PAPPA: variants seen among roughly 807,000 people sequenced by gnomAD.
The protein encoded by PAPPA is pappalysin-1.
Under a neutral mutation model 164.0 loss-of-function variants are expected in PAPPA, and 60 were observed. The ratio of observed to expected loss-of-function variants is 0.37; its 90% CI spans 0.30 to 0.45. PAPPA has a LOEUF of 0.45. Among genes scored for constraint, PAPPA ranks in the 20% least tolerant of loss-of-function variants. The probability of loss-of-function intolerance (pLI) is 1.00; values close to 1 mark genes in which losing one functional copy is unlikely to be tolerated. For synonymous variants in PAPPA, 875 were observed against 814.1 expected, an observed-to-expected ratio of 1.07 and a Z score of -1.27; for missense variants, 1,782 against 2,087.3, an observed-to-expected ratio of 0.85 and a Z score of 2.85.
intron 7 of PAPPA, among the ~76,000 whole-genome samples, chr9:116,260,786 T>C (rs1177983680): frequency 6.6e-6 from 1 of 152,236 alleles, no homozygotes; most frequent in East Asian, 1.9e-4. Context: ...GGCTTGTCCA[T>C]GGTCAATGAG....
intron 19 of PAPPA, among the ~76,000 whole-genome samples, 198 bp from the exon 20 acceptor site, chr9:116,377,378 C>T (rs1168034751): frequency 6.6e-6 from 1 of 152,146 alleles, no homozygotes; most frequent in Admixed American, 6.6e-5. Context: ...ATGACACATG[C>T]GGTGAACACA....
At chr9:116,281,631 C>A (rs576240896) in intron 9 of PAPPA, among the ~76,000 whole-genome samples, 1 of 152,286 alleles carries the variant, frequency 6.6e-6, no homozygotes, top group South Asian at 2.1e-4. Context: ...GAACCTGCTG[C>A]AGTAGCTCAT....
intron 7 of PAPPA, among the ~76,000 whole-genome samples, chr9:116,258,375 G>A (rs1217069591): frequency 2.0e-5 from 3 of 152,184 alleles, no homozygotes; most frequent in Non-Finnish European, 2.9e-5. Flanking sequence ...AGACCAATGA[G>A]GCTGGGTGGC....
intron 21 of PAPPA, among the ~76,000 whole-genome samples, chr9:116,386,479 CA>C (rs1308485748): frequency 6.6e-6 from 1 of 152,188 alleles, no homozygotes; most frequent in Non-Finnish European, 1.5e-5. Context: ...ATCCTCTTGT[CA>C]ACACAGAGAG....
intron 15 of PAPPA, among the ~76,000 whole-genome samples, chr9:116,348,226 G>T (rs1303543979): frequency 6.6e-6 from 1 of 151,640 alleles, no homozygotes; most frequent in Non-Finnish European, 1.5e-5. Context: ...ATGCAACTTG[G>T]TTGTCAGCAT....
At chr9:116,203,822 A>T (rs950521687) in intron 2 of PAPPA, among the ~76,000 whole-genome samples, 1 of 152,198 alleles carries the variant, frequency 6.6e-6, no homozygotes, top group Non-Finnish European at 1.5e-5. Context: ...TAAGATTTAA[A>T]GGGCCAATCA....
In PAPPA at chr9:116,396,963, T is replaced by A. The variant is rs1350000367; in HGVS notation, c.*347T>A. ...CCCATCTGTGTTTAGTACACATGCA[T>A]GCATACACACCCATACAAACATCTG... On this transcript the variant is annotated 3_prime_UTR_variant, in exon 22 of 22. Transcript: ENST00000328252. 2 of 272,920 alleles carry A rather than the reference T, an allele frequency of 7.3e-6. No individual in the cohort carries two copies. The highest frequency in any genetic ancestry group is 1.4e-5 in the Non-Finnish European group (2 of 143,592). 16.9% of individuals were successfully genotyped at this position (272,920 alleles called of 1,614,324 possible). A position where few individuals can be genotyped will look rare whatever the true frequency, so the allele number is the denominator to read the frequency against.
intron 7 of PAPPA, among the ~76,000 whole-genome samples, chr9:116,253,353 A>G (rs1844882193): frequency 6.6e-6 from 1 of 152,254 alleles, no homozygotes; most frequent in Non-Finnish European, 1.5e-5. Context: ...CTCCATTTTG[A>G]CTGAGCTTCA....
At position 116,279,612 on chromosome 9, in the gene PAPPA, G is replaced by A. The variant is rs532293776; in HGVS notation, c.2953+8196G>A. ...GGTGCTTGCTTGAATGTGAGGAATC[G>A]AGACCAAACTTTGATGTGTGCCTTT... On this transcript the variant is annotated intron_variant, in intron 9 of 21. Coordinates refer to ENST00000328252, the MANE Select transcript of PAPPA (RefSeq NM_002581.5). Among the ~76,000 whole-genome samples, 18 of 152,282 alleles carry A rather than the reference G, an allele frequency of 1.2e-4. No homozygotes were observed. In the East Asian group the frequency reaches 1.4e-3, roughly 11 times the overall value.
intron 7 of PAPPA, 134 bp downstream of exon 7, chr9:116,235,771 T>A: frequency 1.2e-6 from 1 of 857,496 alleles, no homozygotes; most frequent in Admixed American, 1.9e-5. Flanking sequence ...AACCCATCAT[T>A]GGGTGTAGAT....
intron 14 of PAPPA, among the ~76,000 whole-genome samples, chr9:116,345,440 A>G (rs1846194945): frequency 6.7e-6 from 1 of 148,956 alleles, no homozygotes; most frequent in Non-Finnish European, 1.5e-5. Flanking sequence ...TGATGAGAAA[A>G]AAAAAAAAAA....
chr9:116,209,167 G>C (rs537417811), intron 3 of PAPPA, among the ~76,000 whole-genome samples: 14 of 152,288 alleles, frequency 9.2e-5, no homozygotes, highest in Admixed American at 3.3e-4. Context: ...GGGCAGAAGA[G>C]AGCGTGCAGC....
rs151289826 is a variant in PAPPA at position 116,244,962 on chromosome 9, T to G, written c.2732+9325T>G. 1.3e-4 allele frequency among the ~76,000 whole-genome samples: 20 copies of G among 152,256 alleles called. No homozygotes were observed. The East Asian group carries it at 3.9e-3, about 29-fold the overall frequency. The stretch of plus-strand genomic sequence containing the variant: ...AAGAAAACGAGGTATATGTACACAA[T>G]GGAATGTTACTCAGCCATTAAAAGG... On this transcript the variant is annotated intron_variant, in intron 7 of 21. Transcript: ENST00000328252.
intron 1 of PAPPA, among the ~76,000 whole-genome samples, chr9:116,167,528 A>T (rs1843731226): frequency 6.6e-6 from 1 of 152,198 alleles, no homozygotes; most frequent in African/African-American, 2.4e-5. Context: ...TCTTGTTTTG[A>T]GAATCAGTGC....
chr9:116,162,902 T>G (rs1290093915), intron 1 of PAPPA, among the ~76,000 whole-genome samples: 1 of 152,052 alleles, frequency 6.6e-6, no homozygotes, highest in African/African-American at 2.4e-5. Context: ...AATTAAAAAT[T>G]TAAACAACTA....
intron 9 of PAPPA, among the ~76,000 whole-genome samples, chr9:116,281,460 A>T (rs1845266088): frequency 6.6e-6 from 1 of 152,160 alleles, no homozygotes; most frequent in African/African-American, 2.4e-5. Context: ...CTCGTGTCCC[A>T]ACATCCAGCT....
At chr9:116,328,575 G>A (rs1034651245) in intron 10 of PAPPA, among the ~76,000 whole-genome samples, 28 of 152,192 alleles carry the variant, frequency 1.8e-4, no homozygotes, top group African/African-American at 5.8e-4. Flanking sequence ...TAGGGCCAGG[G>A]TGAGGGGAAC....
intron 5 of PAPPA, among the ~76,000 whole-genome samples, chr9:116,221,843 A>G (rs60669603): frequency 0.01 from 1,531 of 152,326 alleles, 26 homozygotes; most frequent in African/African-American, 0.034. Context: ...AAGACACACA[A>G]ATGGCCAACA....
chr9:116,176,073 G>C (rs1217443391), intron 1 of PAPPA, among the ~76,000 whole-genome samples: 1 of 152,174 alleles, frequency 6.6e-6, no homozygotes, highest in East Asian at 1.9e-4. Context: ...TGATGGTGGA[G>C]ACTCATGAAG....
Sources: allele counts gnomAD v4.1 joint callset (sites outside exome capture counted in the v4.1 genomes callset), GRCh38; gene constraint gnomAD v4.1.1; transcripts MANE v1.5; gene names NCBI Gene and HGNC (gene_info 2026-07-23, HGNC 2026-07-21).